The following SLFN12L variants were observed in gnomAD, a reference collection of about 807,000 sequenced individuals.
The protein encoded by SLFN12L is schlafen family member 12 like.
SLFN12L carries 34 observed loss-of-function variants against 34.8 expected under a neutral mutation model. The ratio of observed to expected loss-of-function variants is 0.98; its 90% confidence interval spans 0.74 to 1.30. The LOEUF (loss-of-function observed/expected upper bound fraction) is 1.30, where lower values mean the gene tolerates loss of function less well. Among genes scored for constraint, SLFN12L ranks in the 50% most tolerant of loss-of-function variants. The pLI, the probability that SLFN12L is intolerant of heterozygous loss-of-function variation, is 0.00. For missense variants in SLFN12L, 703 were observed against 696.2 expected, an observed-to-expected ratio of 1.01 and a Z score of -0.11; for synonymous variants, 259 against 247.5, an observed-to-expected ratio of 1.05 and a Z score of -0.44.
chr17:35,472,372 C>G lies in SLFN12L; in HGVS notation c.*2551G>C, dbSNP rs992512180. On this transcript the variant is annotated 3_prime_UTR_variant, in exon 5 of 5. Coordinates refer to ENST00000628453, the MANE Select transcript of SLFN12L (RefSeq NM_001363830.2). ...ATATGGCTAGCCAGTTCTCCCAGCACCATTTATTGAATAGAAGATCCTTTC... is the reference window on the plus strand; with the variant it reads ...ATATGGCTAGCCAGTTCTCCCAGCAGCATTTATTGAATAGAAGATCCTTTC... Among the ~76,000 whole-genome samples, 1 of 152,162 alleles carries G rather than the reference C, an allele frequency of 6.6e-6. No homozygotes were observed. The highest frequency in any genetic ancestry group is 1.5e-5 in the Non-Finnish European group (1 of 68,026).
chr17:35,521,305 C>G (rs1328560373), intron 2 of SLFN12L, among the ~76,000 whole-genome samples: 1 of 152,142 alleles, frequency 6.6e-6, no homozygotes, highest in African/African-American at 2.4e-5. Context: ...GAGTTTAGTT[C>G]ACAGCAATGT....
At position 35,467,573 on chromosome 17, in the gene SLFN12L, A is replaced by AAGAGTCTCCCC. The variant is rs1783719522; in HGVS notation, c.*7339_*7349dup. On this transcript the variant is annotated 3_prime_UTR_variant, in exon 5 of 5. Transcript: ENST00000628453. ...AATAGCCAGTTTAACAGAGAGACAT[A>AAGAGTCTCCCC]AGAGTCTCCCCAAACAACTTCTTTT... Among the ~76,000 whole-genome samples, 2 of 152,200 alleles carry AAGAGTCTCCCC rather than the reference A, an allele frequency of 1.3e-5. No individual in the cohort carries two copies. Among genetic ancestry groups the AAGAGTCTCCCC allele is most frequent in the Non-Finnish European group, 2.9e-5 (2 of 68,034 alleles).
chr17:35,501,992 G>A (rs1365087961), intron 2 of SLFN12L, among the ~76,000 whole-genome samples: 1 of 151,576 alleles, frequency 6.6e-6, no homozygotes, highest in African/African-American at 2.4e-5. Flanking sequence ...AGGGAGTCAA[G>A]AAGAGAGAGA....
At position 35,469,333 on chromosome 17, in the gene SLFN12L, TATATAA is replaced by T. The variant is rs1567635960; in HGVS notation, c.*5584_*5589del. Among the ~76,000 whole-genome samples the T allele has an allele frequency of 8.4e-4, 115 of 137,674 alleles. No homozygotes were observed. Among genetic ancestry groups the T allele is most frequent in the Middle Eastern group, 7.3e-3 (2 of 274 alleles). The allele number at this position is 137,674 out of a possible 152,430, so 90.3% of individuals were successfully genotyped here. Reference sequence around the variant, plus strand: ...TATATATATTATATATATAAATATATATATAATATATATATATATGTATTTCAAACT... The same window carrying T: ...TATATATATTATATATATAAATATATTATATATATATATGTATTTCAAACT... On this transcript the variant is annotated 3_prime_UTR_variant, in exon 5 of 5. Coordinates refer to ENST00000628453, the MANE Select transcript of SLFN12L (RefSeq NM_001363830.2).
chr17:35,492,388 CCT>C (rs1253678254), intron 2 of SLFN12L, among the ~76,000 whole-genome samples: 4 of 152,092 alleles, frequency 2.6e-5, no homozygotes, highest in Non-Finnish European at 4.4e-5. Context: ...TTCCTGGGCC[CCT>C]GTGATGGGGG....
At chr17:35,533,959 C>A (rs1427745784) in intron 1 of SLFN12L, among the ~76,000 whole-genome samples, 1 of 152,160 alleles carries the variant, frequency 6.6e-6, no homozygotes, top group Non-Finnish European at 1.5e-5. Context: ...GTAGTCCCAG[C>A]TACTTGGGAG....
chr17:35,522,524 G>A lies in SLFN12L; in HGVS notation c.-160C>T, dbSNP rs118158191. On this transcript the variant is annotated 5_prime_UTR_variant, in exon 2 of 5. Transcript: ENST00000628453. ...GGTCACTCAAGAGAGACCTGAAGCCGAGCAAGACAATCACGAGGGACTGCA... is the reference window on the plus strand; with the variant it reads ...GGTCACTCAAGAGAGACCTGAAGCCAAGCAAGACAATCACGAGGGACTGCA... 4.7e-5 allele frequency: 75 copies of A among 1,612,480 alleles called. No homozygotes were observed. Among genetic ancestry groups the A allele is most frequent in the Non-Finnish European group, 5.9e-5 (69 of 1,179,156 alleles).
chr17:35,524,661 C>G (rs1035743099), intron 1 of SLFN12L, among the ~76,000 whole-genome samples: 1 of 152,194 alleles, frequency 6.6e-6, no homozygotes, highest in Admixed American at 6.5e-5. Context: ...AACTAACAAA[C>G]AGAAAGGACT....
chr17:35,502,099 T>C (rs1260499516), intron 2 of SLFN12L, among the ~76,000 whole-genome samples: 1 of 151,640 alleles, frequency 6.6e-6, no homozygotes, highest in African/African-American at 2.4e-5. Flanking sequence ...CAGAGAAATA[T>C]ACAAGTAGTT....
chr17:35,514,069 C>T (rs927780238), intron 2 of SLFN12L, among the ~76,000 whole-genome samples: 1 of 152,158 alleles, frequency 6.6e-6, no homozygotes, highest in Non-Finnish European at 1.5e-5. Flanking sequence ...AAATGGACTC[C>T]GACTCCCTCG....
At position 35,469,316 on chromosome 17, in the gene SLFN12L, TTATATATATAA is replaced by T. The variant is rs1198655314; in HGVS notation, c.*5596_*5606del. Among the ~76,000 whole-genome samples the T allele has an allele frequency of 1.3e-3, 167 of 131,768 alleles. No individual in the cohort carries two copies. The highest frequency in any genetic ancestry group is 2.0e-3 in the Non-Finnish European group (129 of 63,258). The allele number at this position is 131,768 out of a possible 152,430, so 86.4% of individuals were successfully genotyped here. On this transcript the variant is annotated 3_prime_UTR_variant, in exon 5 of 5. Transcript: ENST00000628453. ...TATATATATATAAAATATATATATA[TTATATATATAA>T]ATATATATATAATATATATATATAT...
chr17:35,537,247 T>G (rs1381867947), intron 1 of SLFN12L, among the ~76,000 whole-genome samples: 1 of 152,170 alleles, frequency 6.6e-6, no homozygotes, highest in Non-Finnish European at 1.5e-5. Flanking sequence ...TATCTGAAGG[T>G]TTGTTCCCCA....
At chr17:35,530,435 G>GAAAGAAAGAAA (rs1240405993) in intron 1 of SLFN12L, among the ~76,000 whole-genome samples, 3 of 11,424 alleles carry the variant, frequency 2.6e-4, no homozygotes, top group African/African-American at 4.8e-4. Flanking sequence ...GGAAGGGAAG[G>GAAAGAAAGAAA]GAAGGGAAGA....
Position 35,530,273 on chromosome 17 carries a change from G to A in SLFN12L, c.-606+7300C>T, listed in dbSNP as rs542611035. 2.7e-5 allele frequency among the ~76,000 whole-genome samples: 4 copies of A among 148,744 alleles called. No individual in the cohort carries two copies. In the South Asian group the frequency reaches 8.6e-4, roughly 32 times the overall value. On this transcript the variant is annotated intron_variant, in intron 1 of 4. Coordinates refer to ENST00000628453, the MANE Select transcript of SLFN12L (RefSeq NM_001363830.2). Reference sequence around the variant, plus strand: ...GAGGCAGGAGAATCACTTGAACCCGGGAGGCGGAGGTTGCAGTGAGCCAAG... The same window carrying A: ...GAGGCAGGAGAATCACTTGAACCCGAGAGGCGGAGGTTGCAGTGAGCCAAG...
chr17:35,471,392 C>T lies in SLFN12L; in HGVS notation c.*3531G>A, dbSNP rs536763610. Reference sequence around the variant, plus strand: ...CCTCAGGTGATCCACCCGCCTCAGCCTCCCAAAGTGCTGGGATTACAGGCA... The same window carrying T: ...CCTCAGGTGATCCACCCGCCTCAGCTTCCCAAAGTGCTGGGATTACAGGCA... On this transcript the variant is annotated 3_prime_UTR_variant, in exon 5 of 5. Coordinates refer to ENST00000628453, the MANE Select transcript of SLFN12L (RefSeq NM_001363830.2). Among the ~76,000 whole-genome samples, 64 of 152,294 alleles carry T rather than the reference C, an allele frequency of 4.2e-4. No homozygotes were observed. The South Asian group carries it at 0.012, about 28-fold the overall frequency.
intron 2 of SLFN12L, among the ~76,000 whole-genome samples, chr17:35,512,574 G>C (rs977824717): frequency 2.6e-5 from 4 of 152,086 alleles, no homozygotes; most frequent in Non-Finnish European, 1.5e-5. Context: ...CACTGTGTTA[G>C]CCAGGATGGC....
chr17:35,494,385 A>G (rs1914962565), intron 2 of SLFN12L, among the ~76,000 whole-genome samples: 1 of 152,204 alleles, frequency 6.6e-6, no homozygotes, highest in Admixed American at 6.5e-5. Context: ...TTTAAGAAAA[A>G]AAGAAATATC....
intron 2 of SLFN12L, among the ~76,000 whole-genome samples, chr17:35,497,037 C>A (rs975008460): frequency 1.3e-5 from 2 of 152,170 alleles, no homozygotes; most frequent in Non-Finnish European, 2.9e-5. Flanking sequence ...GAGGCCAAAG[C>A]GGGAGGATTG....
rs1393878496 is a variant in SLFN12L, at chr17:35,522,739, G to A, written c.-375C>T. Reference sequence around the variant, plus strand: ...CTGCTTCAAAGTAAGGGCAGTGCAAGTGCAGTAGTCCTGGCCCTGCCAGGG... The same window carrying A: ...CTGCTTCAAAGTAAGGGCAGTGCAAATGCAGTAGTCCTGGCCCTGCCAGGG... On this transcript the variant is annotated 5_prime_UTR_variant, in exon 2 of 5. Transcript: ENST00000628453. The A allele has an allele frequency of 5.6e-6, 9 of 1,613,496 alleles. No individual in the cohort carries two copies. The highest frequency in any genetic ancestry group is 7.6e-6 in the Non-Finnish European group (9 of 1,179,516).
Sources: gnomAD v4.1 joint callset for allele counts (sites outside exome capture counted in the v4.1 genomes callset) on GRCh38, gnomAD v4.1.1 for gene constraint, MANE v1.5 for transcripts, NCBI Gene and HGNC (gene_info 2026-07-23, HGNC 2026-07-21) for gene names.